UBXN2A: variants seen among roughly 807,000 people sequenced by gnomAD.
UBXN2A encodes UBX domain-containing protein 2A.
A neutral mutation model predicts 28.4 loss-of-function variants in UBXN2A; 28 were observed. The ratio of observed to expected loss-of-function variants is 0.99; its 90% CI spans 0.73 to 1.35. The LOEUF is 1.35. UBXN2A is among the 40% of genes most tolerant of loss of function. The pLI is 0.00. For missense variants in UBXN2A, 253 were observed against 297.9 expected, an observed-to-expected ratio of 0.85 and a Z score of 1.11; for synonymous variants, 97 against 103.6, an observed-to-expected ratio of 0.94 and a Z score of 0.39.
chr2:23,953,957 T>C (rs1229996889), intron 1 of UBXN2A, among the ~76,000 whole-genome samples: 1 of 152,226 alleles, frequency 6.6e-6, no homozygotes, highest in Non-Finnish European at 1.5e-5. Flanking sequence ...GCCATTGATA[T>C]CATTGCCTAG....
chr2:23,963,423 G>A (rs1483478716), intron 2 of UBXN2A, among the ~76,000 whole-genome samples: 2 of 148,668 alleles, frequency 1.3e-5, no homozygotes, highest in Admixed American at 1.4e-4. Context: ...GCTGAGGCAA[G>A]ATTGCACCAC....
intron 4 of UBXN2A, among the ~76,000 whole-genome samples, chr2:23,977,750 A>G (rs1389409232): frequency 1.3e-5 from 2 of 151,654 alleles, no homozygotes; most frequent in South Asian, 2.1e-4. Flanking sequence ...ATGTTCACAC[A>G]CTCCCTACAC....
chr2:23,962,909 A>C (rs2150846392), intron 2 of UBXN2A, among the ~76,000 whole-genome samples: 1 of 152,164 alleles, frequency 6.6e-6, no homozygotes, highest in South Asian at 2.1e-4. Context: ...CGCGTCCGGC[A>C]AGGAAGAGGT....
intron 4 of UBXN2A, 148 bp from the exon 5 acceptor site, chr2:23,982,748 T>C (rs755296306): frequency 1.2e-6 from 1 of 816,496 alleles, no homozygotes; most frequent in Non-Finnish European, 1.7e-6. Context: ...TTAACTACAT[T>C]GTTTTGAATA....
chr2:23,936,424 A>AAT (rs1358140840), upstream of UBXN2A, among the ~76,000 whole-genome samples: 2 of 152,134 alleles, frequency 1.3e-5, no homozygotes, highest in African/African-American at 4.8e-5. Context: ...CAGAAAGTAG[A>AAT]ATAGGCTGTG....
chr2:23,994,597 C>T (rs555074935), intron 6 of UBXN2A, among the ~76,000 whole-genome samples: 1 of 152,176 alleles, frequency 6.6e-6, no homozygotes, highest in Non-Finnish European at 1.5e-5. Context: ...TTCTTACTTT[C>T]AATTCTACTG....
intron 3 of UBXN2A, among the ~76,000 whole-genome samples, chr2:23,976,643 G>A (rs1186152064): frequency 6.6e-6 from 1 of 152,102 alleles, no homozygotes; most frequent in Non-Finnish European, 1.5e-5. Flanking sequence ...ACGGGCCCCC[G>A]TGATTCAATT....
chr2:23,979,136 A>G (rs528880376), intron 4 of UBXN2A, among the ~76,000 whole-genome samples: 2 of 152,088 alleles, frequency 1.3e-5, no homozygotes, highest in Admixed American at 6.6e-5. Flanking sequence ...TGAGGTCAGG[A>G]GTTCAAGACC....
Position 23,999,894 on chromosome 2 carries a change from G to C in UBXN2A, c.*27G>C. On this transcript the variant is annotated 3_prime_UTR_variant, in exon 7 of 7. Transcript: ENST00000309033. Reference sequence around the variant, plus strand: ...TTTTGATAGACTAAGTGGAAAATTTGCAGAGAAATGATGGTTGTAAGTGGA... The same window carrying C: ...TTTTGATAGACTAAGTGGAAAATTTCCAGAGAAATGATGGTTGTAAGTGGA... The C allele has an allele frequency of 6.2e-7, 1 of 1,603,600 alleles. No individual in the cohort carries two copies.
Position 23,976,928 on chromosome 2 carries a change from T to C in UBXN2A, c.181-41T>C, listed in dbSNP as rs201986796. On this transcript the variant is annotated intron_variant, in intron 3 of 6. Transcript: ENST00000309033. ...TCAAAGGACTTTCAATCCTACTACA[T>C]TTTATTAACATGACGCATTTTGTTT... is the stretch of plus-strand genomic sequence containing the variant. 1.1e-3 allele frequency: 1,708 copies of C among 1,530,364 alleles called. 2 individuals carry two copies. Among genetic ancestry groups the C allele is most frequent in the Non-Finnish European group, 1.4e-3 (1,553 of 1,108,752 alleles). 94.8% of individuals were successfully genotyped at this position (1,530,364 alleles called of 1,614,324 possible).
chr2:23,971,120 G>A (rs955818816), intron 2 of UBXN2A, among the ~76,000 whole-genome samples, 156 bp from the exon 3 acceptor site: 1 of 152,138 alleles, frequency 6.6e-6, no homozygotes, highest in Non-Finnish European at 1.5e-5. Flanking sequence ...CTAAAAAGGG[G>A]TTAATGACTT....
intron 1 of UBXN2A, among the ~76,000 whole-genome samples, chr2:23,943,142 A>T (rs1705855998): frequency 6.6e-6 from 1 of 151,994 alleles, no homozygotes; most frequent in East Asian, 1.9e-4. Flanking sequence ...TTTTTGGTAG[A>T]GACGGGGTTT....
At chr2:23,983,281 G>A (rs564080817) in intron 5 of UBXN2A, among the ~76,000 whole-genome samples, 63 of 152,188 alleles carry the variant, frequency 4.1e-4, no homozygotes, top group African/African-American at 1.4e-3. Context: ...CAAGGTGGGC[G>A]GATCACCTGA....
chr2:23,946,683 T>C (rs1382685537), intron 1 of UBXN2A, among the ~76,000 whole-genome samples: 1 of 152,112 alleles, frequency 6.6e-6, no homozygotes, highest in African/African-American at 2.4e-5. Context: ...CTTGAACTTC[T>C]GACCTCAAGT....
intron 2 of UBXN2A, among the ~76,000 whole-genome samples, chr2:23,968,689 A>G (rs1356276868): frequency 1.3e-5 from 2 of 151,424 alleles, no homozygotes; most frequent in African/African-American, 4.9e-5. Flanking sequence ...AAAAAAAAAA[A>G]CAGTATCTAA....
chr2:23,934,438 T>G (rs568201949), intron 1 of UBXN2A, among the ~76,000 whole-genome samples: 7 of 152,296 alleles, frequency 4.6e-5, no homozygotes, highest in African/African-American at 9.6e-5. Context: ...ACCTAGATAT[T>G]CATCTCAAGG....
At chr2:23,940,050 C>A (rs914921447), upstream of UBXN2A, among the ~76,000 whole-genome samples, 8 of 139,596 alleles carry the variant, frequency 5.7e-5, no homozygotes, top group African/African-American at 1.9e-4. Context: ...GCGGAGGTTG[C>A]GGTGAGCCAA....
At chr2:23,978,043 G>T (rs532981309) in intron 4 of UBXN2A, among the ~76,000 whole-genome samples, 84 of 152,168 alleles carry the variant, frequency 5.5e-4, no homozygotes, top group African/African-American at 2.0e-3. Context: ...GGCCAGGCTA[G>T]TCTTGAACTC....
At chr2:23,996,106 G>A (rs1052428414) in intron 6 of UBXN2A, among the ~76,000 whole-genome samples, 11 of 142,972 alleles carry the variant, frequency 7.7e-5, no homozygotes, top group Admixed American at 6.6e-4. Context: ...TTGCTCTGTC[G>A]CCAAGGCTGG....
Sources: gnomAD v4.1 joint callset for allele counts (sites outside exome capture counted in the v4.1 genomes callset) on GRCh38, gnomAD v4.1.1 for gene constraint, MANE v1.5 for transcripts, NCBI Gene and HGNC (gene_info 2026-07-23, HGNC 2026-07-21) for gene names.